The following PZP variants were observed in gnomAD, a reference collection of about 807,000 sequenced individuals.
The protein encoded by PZP is PZP alpha-2-macroglobulin like.
PZP carries 150 observed loss-of-function variants against 179.8 expected under a neutral mutation model. That is an observed-to-expected ratio of 0.83 (90% CI 0.73 to 0.96). The LOEUF (loss-of-function observed/expected upper bound fraction) is 0.96. PZP is among the 40% of genes least tolerant of loss of function. The probability of loss-of-function intolerance (pLI) is 0.00; values close to 1 mark genes in which losing one functional copy is unlikely to be tolerated. For synonymous variants in PZP, 624 were observed against 652.3 expected, an observed-to-expected ratio of 0.96 and a Z score of 0.66; for missense variants, 1,689 against 1,764.0, an observed-to-expected ratio of 0.96 and a Z score of 0.76.
At position 9,152,240 on chromosome 12, in the gene PZP, G is replaced by A. The variant is rs765162129; in HGVS notation, c.4192C>T (p.Leu1398=). The A allele has an allele frequency of 1.4e-5, 22 of 1,609,738 alleles. No homozygotes were observed. The highest frequency in any genetic ancestry group is 1.7e-5 in the Non-Finnish European group (20 of 1,176,302). The change falls in exon 32 of 36, where the codon CTG becomes TTG. Residue 1398 remains leucine, a synonymous_variant. Transcript: ENST00000261336. ...CCTACCATTTTTACTGTTGGTTTCA[G>A]GGGAATAAAACCAGATACCATCTTT... The part of the protein sequence containing the change: ...DVKMVSGFIP[L]KPTVKMLERS...
At chr12:9,197,472 TATA>T (rs898252024) in intron 7 of PZP, among the ~76,000 whole-genome samples, 6 of 130,470 alleles carry the variant, frequency 4.6e-5, no homozygotes, top group African/African-American at 1.5e-4. Context: ...TAATATAATA[TATA>T]ATAATATAAT....
rs887764897 is a variant in PZP, at chr12:9,203,761, C to G, written c.267+7G>C. Reference sequence around the variant, plus strand: ...CAGGGATAGCCAGCTGGCACCGTAGCACTCACAGTGAAGGAGACACAGTGG... The same window carrying G: ...CAGGGATAGCCAGCTGGCACCGTAGGACTCACAGTGAAGGAGACACAGTGG... On this transcript the variant is annotated splice_region_variant and intron_variant, in intron 2 of 35. Transcript: ENST00000261336. 1 of 1,613,936 alleles carries G rather than the reference C, an allele frequency of 6.2e-7. No homozygotes were observed. Among genetic ancestry groups the G allele is most frequent in the African/African-American group, 1.3e-5 (1 of 75,036 alleles).
chr12:9,149,415 T>A, intron 35 of PZP, 146 bp downstream of exon 35: 1 of 722,038 alleles, frequency 1.4e-6, no homozygotes, highest in South Asian at 2.5e-5. Flanking sequence ...ATAGGCATGC[T>A]ACGCCACAGT....
rs1357599271 is a variant in PZP, at chr12:9,170,540, T to G, written c.1840-949A>C. On this transcript the variant is annotated intron_variant, in intron 15 of 35. Coordinates refer to ENST00000261336, the MANE Select transcript of PZP (RefSeq NM_002864.3). The surrounding 1 kb of genome is among the most constrained non-coding windows in gnomAD (Gnocchi z 4.6). The stretch of plus-strand genomic sequence containing the variant: ...ACCTCACAGGTTAAGACTCACTGTC[T>G]TGGAATCTCAGCCAGCCGACGGCAG... 6.6e-6 allele frequency among the ~76,000 whole-genome samples: 1 copy of G among 152,292 alleles called. No homozygotes were observed. The highest frequency in any genetic ancestry group is 2.4e-5 in the African/African-American group (1 of 41,560).
intron 13 of PZP, among the ~76,000 whole-genome samples, chr12:9,186,245 A>T (rs1280676471): frequency 6.6e-6 from 1 of 152,222 alleles, no homozygotes; most frequent in Non-Finnish European, 1.5e-5. Context: ...AACTTGCAAG[A>T]GCTCCAGAAA....
At chr12:9,180,957 G>A (rs1245762156) in intron 15 of PZP, 26 bp downstream of exon 15, 2 of 1,602,588 alleles carry the variant, frequency 1.2e-6, no homozygotes, top group South Asian at 2.2e-5. Context: ...GGCCCTTCCT[G>A]GTCCCCAAGG....
chr12:9,157,871 C>T lies in PZP; in HGVS notation c.3295-30G>A, dbSNP rs750073758. On this transcript the variant is annotated intron_variant, in intron 26 of 35. Transcript: ENST00000261336. ...GAATACAACATTGATTTGATTAATTCCAGTGCCAAGTGTTAGTATATTCTC... is the reference window on the plus strand; with the variant it reads ...GAATACAACATTGATTTGATTAATTTCAGTGCCAAGTGTTAGTATATTCTC... The T allele has an allele frequency of 3.2e-6, 5 of 1,563,280 alleles. No individual in the cohort carries two copies. The South Asian group carries it at 4.5e-5, about 14-fold the overall frequency.
At chr12:9,158,774 T>TG (rs1491249521) in intron 25 of PZP, among the ~76,000 whole-genome samples, 198 bp from the exon 26 acceptor site, 9 of 109,964 alleles carry the variant, frequency 8.2e-5, no homozygotes, top group Non-Finnish European at 1.7e-4. Context: ...TTTTTTTTTT[T>TG]GCTGCCACAT....
intron 29 of PZP, 83 bp from the exon 30 acceptor site, chr12:9,153,426 C>T (rs538058603): frequency 8.6e-7 from 1 of 1,168,844 alleles, no homozygotes. Context: ...GTTAGCCTAC[C>T]ATGAGGGAAG....
chr12:9,203,241 A>G (rs1944265612), intron 2 of PZP, among the ~76,000 whole-genome samples: 1 of 150,746 alleles, frequency 6.6e-6, no homozygotes, highest in South Asian at 2.1e-4. Context: ...TGAAATTTAG[A>G]AGAGTATTTC....
At chr12:9,203,139 A>G (rs909980357) in intron 2 of PZP, among the ~76,000 whole-genome samples, 6 of 152,216 alleles carry the variant, frequency 3.9e-5, no homozygotes, top group Non-Finnish European at 7.3e-5. Context: ...GGAAATGTCC[A>G]GCCCGATCCT....
At chr12:9,143,610 A>C in the PZP span, among the ~76,000 whole-genome samples, 11 of 152,286 alleles carry the variant, frequency 7.2e-5, no homozygotes, top group African/African-American at 2.6e-4. Flanking sequence ...CTGAATATTC[A>C]GGCAAGAACC....
chr12:9,164,383 A>G (rs1391656462), intron 19 of PZP, 124 bp from the exon 20 acceptor site: 11 of 1,035,392 alleles, frequency 1.1e-5, no homozygotes, highest in Non-Finnish European at 1.1e-5. Flanking sequence ...TGTATGTCAC[A>G]TAGATTCATC....
At position 9,202,310 on chromosome 12, in the gene PZP, GAT is replaced by G. The variant is rs1944210651; in HGVS notation, c.480+7_480+8del. On this transcript the variant is annotated splice_region_variant and intron_variant, in intron 4 of 35. Transcript: ENST00000261336. The stretch of plus-strand genomic sequence containing the variant: ...CCCACAACCCAAACCACAGATAGTG[GAT>G]GCTTACCAGTTCATTTCGAGGGCGA... The G allele has an allele frequency of 6.2e-7, 1 of 1,610,670 alleles. No homozygotes were observed. Among genetic ancestry groups the G allele is most frequent in the Middle Eastern group, 1.7e-4 (1 of 6,054 alleles).
chr12:9,192,044 T>C, intron 13 of PZP, 149 bp downstream of exon 13: 1 of 631,458 alleles, frequency 1.6e-6, no homozygotes, highest in Non-Finnish European at 2.8e-6. Context: ...AATTTTAAAA[T>C]GCCAAAGAGT....
chr12:9,201,202 A>G, intron 5 of PZP, 125 bp downstream of exon 5: 1 of 1,341,618 alleles, frequency 7.5e-7, no homozygotes, highest in Non-Finnish European at 1.0e-6. Flanking sequence ...CAACCTGACA[A>G]CTGGGAGTAG....
rs756280366 is a variant in PZP, at chr12:9,159,961, A to G, written c.3114T>C (p.Tyr1038=). ...DGSYSTFGER[Y]GRNQGNTWLT... is the part of the protein sequence containing the mutation. Reference sequence around the variant, plus strand: ...ACCAAGTGTTGCCCTGGTTCCTGCCATATCGTTCCCCAAAGGTGCTGTAGG... The same window carrying G: ...ACCAAGTGTTGCCCTGGTTCCTGCCGTATCGTTCCCCAAAGGTGCTGTAGG... The change falls in exon 25 of 36, where the codon TAT becomes TAC. Residue 1038 remains tyrosine (Y), a synonymous_variant. Transcript: ENST00000261336. 2.4e-5 allele frequency: 39 copies of G among 1,613,504 alleles called. No individual in the cohort carries two copies. Among genetic ancestry groups the G allele is most frequent in the Admixed American group, 2.2e-4 (13 of 59,990 alleles).
At chr12:9,198,690 A>G (rs1943981400) in intron 7 of PZP, among the ~76,000 whole-genome samples, 1 of 152,180 alleles carries the variant, frequency 6.6e-6, no homozygotes. Flanking sequence ...AGAATAATAC[A>G]CAATAATTTT....
chr12:9,166,030 GGAGGA>G lies in PZP; in HGVS notation c.2258+17_2258+21del, dbSNP rs1565634429. 1 of 1,584,140 alleles carries G rather than the reference GGAGGA, an allele frequency of 6.3e-7. No homozygotes were observed. Among genetic ancestry groups the G allele is most frequent in the Admixed American group, 1.9e-5 (1 of 51,756 alleles). On this transcript the variant is annotated intron_variant, in intron 18 of 35. Coordinates refer to ENST00000261336, the MANE Select transcript of PZP (RefSeq NM_002864.3). The stretch of plus-strand genomic sequence containing the variant: ...CCACATTCCCTCCCCTCCAGCAAAT[GGAGGA>G]AAGTAAAGTTACTTACTTCACTGCC...
Sources: allele counts gnomAD v4.1 joint callset (sites outside exome capture counted in the v4.1 genomes callset), GRCh38; gene constraint gnomAD v4.1.1; non-coding constraint Gnocchi (gnomAD v3.1); transcripts MANE v1.5; gene names NCBI Gene and HGNC (gene_info 2026-07-23, HGNC 2026-07-21).